The following TMEM176A variants were observed in gnomAD, a reference collection of about 807,000 sequenced individuals.
The protein encoded by TMEM176A is transmembrane protein 176A, also known as hepatocellular carcinoma-associated antigen 112.
Under a neutral mutation model 27.9 loss-of-function variants are expected in TMEM176A, and 20 were observed. That is an observed-to-expected ratio of 0.72 (90% CI 0.50 to 1.04). The LOEUF (loss-of-function observed/expected upper bound fraction) is 1.04, where lower values mean the gene tolerates loss of function less well. Among genes scored for constraint, TMEM176A ranks in the 50% least tolerant of loss-of-function variants. The probability of loss-of-function intolerance (pLI) is 0.00; values close to 1 mark genes in which losing one functional copy is unlikely to be tolerated. For missense variants in TMEM176A, 252 were observed against 289.1 expected (o/e 0.87, Z 0.93); for synonymous variants, 125 against 118.0 (o/e 1.06, Z -0.38).
At chr7:150,804,662 A>G in intron 6 of TMEM176A, 165 bp from the exon 7 acceptor site, 1 of 889,214 alleles carries the variant, frequency 1.1e-6, no homozygotes, top group Non-Finnish European at 1.8e-6. Context: ...AGTGGCCCCC[A>G]AGTCAAAGAG....
rs1001873796 is a variant in TMEM176A, at chr7:150,802,273, G to A, written c.233G>A (p.Arg78His). The change falls in exon 3 of 7, where the codon CGC becomes CAC. Residue 78 changes from arginine (R) to histidine (H), a missense_variant. Transcript: ENST00000004103. Reference protein sequence around the residue: ...SAVLGGFFYIRDYTLLVTSGA... With the variant: ...SAVLGGFFYIHDYTLLVTSGA... ...GTCCTAGGAGGATTTTTCTACATCCGCGACTACACCCTCCTCGTCACCTCG... is the reference window on the plus strand; with the variant it reads ...GTCCTAGGAGGATTTTTCTACATCCACGACTACACCCTCCTCGTCACCTCG... 7.4e-6 allele frequency: 12 copies of A among 1,613,246 alleles called. No individual in the cohort carries two copies. In the African/African-American group the frequency reaches 9.4e-5, roughly 13 times the overall value.
chr7:150,803,570 CTG>C (rs1563051422), intron 4 of TMEM176A, 48 bp from the exon 5 acceptor site: 2 of 1,606,196 alleles, frequency 1.2e-6, no homozygotes, highest in East Asian at 2.2e-5. Flanking sequence ...CGACTGGACT[CTG>C]AGAGAGACTG....
chr7:150,801,421 A>G (rs1026389641), intron 1 of TMEM176A, 115 bp from the exon 2 acceptor site: 3 of 1,040,188 alleles, frequency 2.9e-6, no homozygotes, highest in Non-Finnish European at 4.2e-6. Context: ...TGTGACCAGG[A>G]CAGCCATTCA....
intron 1 of TMEM176A, chr7:150,801,323 G>A (rs1041422526): frequency 1.0e-5 from 5 of 491,006 alleles, no homozygotes; most frequent in Non-Finnish European, 1.1e-5. Flanking sequence ...GGAGGTTCCC[G>A]CAGGCTCTGT....
At chr7:150,803,508 C>G (rs776791243) in intron 4 of TMEM176A, 52 bp downstream of exon 4, 74 of 1,574,348 alleles carry the variant, frequency 4.7e-5, no homozygotes, top group Non-Finnish European at 6.1e-5. Context: ...TGGAGGTCAC[C>G]CCAATCTCCT....
intron 6 of TMEM176A, 47 bp downstream of exon 6, chr7:150,804,519 C>A (rs1245190189): frequency 6.6e-7 from 1 of 1,509,430 alleles, no homozygotes; most frequent in Non-Finnish European, 9.2e-7. Flanking sequence ...AGTGGAACTG[C>A]TCAAAGGAGA....
chr7:150,803,212 T>C, intron 3 of TMEM176A, 188 bp from the exon 4 acceptor site: 1 of 1,336,932 alleles, frequency 7.5e-7, no homozygotes, highest in Non-Finnish European at 9.6e-7. Flanking sequence ...AAGCAGGGCC[T>C]TTTGCAGCCT....
intron 3 of TMEM176A, 130 bp from the exon 4 acceptor site, chr7:150,803,270 G>C: frequency 7.1e-7 from 1 of 1,403,244 alleles, no homozygotes. Flanking sequence ...TCTTACCATG[G>C]ATAATAAAGC....
chr7:150,801,610 T>C lies in TMEM176A; in HGVS notation c.60T>C (p.Asp20=), dbSNP rs761112081. The C allele has an allele frequency of 2.5e-6, 4 of 1,613,570 alleles. No individual in the cohort carries two copies. The highest frequency in any genetic ancestry group is 3.4e-6 in the Non-Finnish European group (4 of 1,179,938). ...AGGCCCCACAGCACACCCACATCGA[T>C]GTGCACATCCACCAGGAGTCTGCCC... ...APEAPQHTHI[D]VHIHQESALA... is the part of the protein sequence containing the mutation. The change falls in exon 2 of 7, where the codon GAT becomes GAC. Residue 20 remains aspartate, a synonymous_variant. Coordinates refer to ENST00000004103, the MANE Select transcript of TMEM176A (RefSeq NM_018487.3).
intron 2 of TMEM176A, chr7:150,801,961 T>G (rs1798809099): frequency 3.2e-6 from 2 of 619,400 alleles, no homozygotes; most frequent in East Asian, 5.5e-5. Flanking sequence ...CCTGAGTCCA[T>G]CCTTTCCTCT....
In TMEM176A at chr7:150,802,311, T is replaced by C; in HGVS notation, c.271T>C (p.Trp91Arg). The change falls in exon 3 of 7, where the codon TGG (tryptophan) becomes CGG (arginine). Residue 91 changes from tryptophan to arginine, a missense_variant. Transcript: ENST00000004103. ...TLLVTSGAAI[W>R]TGAVAVLAGA... ...CCTCGTCACCTCGGGAGCTGCCATC[T>C]GGACAGGGGCTGTGGTGAGTAGAGC... The C allele has an allele frequency of 6.2e-7, 1 of 1,614,132 alleles. No homozygotes were observed. Among genetic ancestry groups the C allele is most frequent in the Non-Finnish European group, 8.5e-7 (1 of 1,180,014 alleles).
chr7:150,802,822 C>G, intron 3 of TMEM176A: 1 of 990,118 alleles, frequency 1.0e-6, no homozygotes, highest in Non-Finnish European at 1.2e-6. Flanking sequence ...CAGAATAGCA[C>G]TAAAACACTC....
At chr7:150,801,073 G>A in intron 1 of TMEM176A, 1 of 856,500 alleles carries the variant, frequency 1.2e-6, no homozygotes, top group Non-Finnish European at 1.4e-6. Flanking sequence ...TGGAGCGGGA[G>A]GTCGGCGGTG....
intron 6 of TMEM176A, 129 bp from the exon 7 acceptor site, chr7:150,804,698 C>T (rs1798886052): frequency 9.5e-6 from 10 of 1,050,064 alleles, no homozygotes; most frequent in Non-Finnish European, 1.5e-5. Flanking sequence ...AAGTCCATAT[C>T]CATGCTATGC....
At chr7:150,802,134 C>T (rs1798817666) in intron 2 of TMEM176A, 81 bp from the exon 3 acceptor site, 1 of 1,022,302 alleles carries the variant, frequency 9.8e-7, no homozygotes, top group Non-Finnish European at 1.5e-6. Context: ...ACCTCTCCCT[C>T]TCTTTTTGGG....
rs769852108 is a variant in TMEM176A at position 150,801,588 on chromosome 7, C to G, written c.38C>G (p.Ala13Gly). ...GACAGTGATGAGATGGCCCCGGAGG[C>G]CCCACAGCACACCCACATCGATGTG... is the stretch of plus-strand genomic sequence containing the variant. Reference protein sequence around the residue: ...TADSDEMAPEAPQHTHIDVHI... With the variant: ...TADSDEMAPEGPQHTHIDVHI... Residue 13 changes from alanine to glycine, a missense_variant, in exon 2 of 7, where the codon GCC becomes GGC. Transcript: ENST00000004103. 1.9e-6 allele frequency: 3 copies of G among 1,612,196 alleles called. No homozygotes were observed. The East Asian group carries it at 6.7e-5, about 36-fold the overall frequency.
chr7:150,801,756 G>A (rs1029520159), intron 2 of TMEM176A, 32 bp downstream of exon 2: 13 of 1,465,276 alleles, frequency 8.9e-6, no homozygotes, highest in African/African-American at 5.7e-5. Context: ...GTCGGGCGGC[G>A]GGAGGAACTC....
At chr7:150,804,613 C>A in intron 6 of TMEM176A, 141 bp downstream of exon 6, 1 of 894,820 alleles carries the variant, frequency 1.1e-6, no homozygotes, top group Non-Finnish European at 1.7e-6. Flanking sequence ...TCTTTCTACC[C>A]AGTGGTGGCC....
chr7:150,804,461 C>A lies in TMEM176A; in HGVS notation c.655C>A (p.Pro219Thr). Residue 219 changes from proline (P) to threonine (T), a missense_variant, in exon 6 of 7, where the codon CCA becomes ACA. Pro to Thr is a conservative substitution (Grantham distance 38). Transcript: ENST00000004103. ...GTGGCTGTACTGCTGGAGAATGTTC[C>A]CAACCAAAGGGGTGAGTCCCTAAGG... ...PLWLYCWRMF[P>T]TKGKRDQKEM... The A allele has an allele frequency of 6.2e-7, 1 of 1,613,842 alleles. No homozygotes were observed. Among genetic ancestry groups the A allele is most frequent in the Non-Finnish European group, 8.5e-7 (1 of 1,179,744 alleles).
Sources: gnomAD v4.1 joint callset for allele counts on GRCh38, gnomAD v4.1.1 for gene constraint, MANE v1.5 for transcripts, NCBI Gene and HGNC (gene_info 2026-07-23, HGNC 2026-07-21) for gene names.